Variants in KATNIP observed in about 807,000 individuals in gnomAD.
KATNIP encodes the protein katanin-interacting protein.
In KATNIP, 126 loss-of-function variants were observed where a neutral mutation model predicts 174.0. The ratio of observed to expected loss-of-function variants is 0.72; its 90% CI spans 0.63 to 0.84. The LOEUF (loss-of-function observed/expected upper bound fraction) is 0.84. Ranked by LOEUF, KATNIP falls within the 40% of genes least tolerant of loss-of-function variation. The pLI is 0.00. For synonymous variants in KATNIP, 810 were observed against 835.7 expected (o/e 0.97, Z 0.53); for missense variants, 1,958 against 2,109.7 (o/e 0.93, Z 1.41).
At chr16:27,613,414 G>A (rs957250517) in intron 2 of KATNIP, among the ~76,000 whole-genome samples, 3 of 152,200 alleles carry the variant, frequency 2.0e-5, no homozygotes, top group Middle Eastern at 3.2e-3. Flanking sequence ...AAGGAGGATC[G>A]ATGCATTCCC....
Position 27,655,158 on chromosome 16 carries a change from G to A in KATNIP, c.540+6423G>A, listed in dbSNP as rs9940494. ...CAAATATACAAACAAAAACCGCTGGGCTGCTACCCCCTAGAATGGATATAT... is the reference window on the plus strand; with the variant it reads ...CAAATATACAAACAAAAACCGCTGGACTGCTACCCCCTAGAATGGATATAT... On this transcript the variant is annotated intron_variant, in intron 6 of 27. Transcript: ENST00000261588. 7.2e-3 allele frequency among the ~76,000 whole-genome samples: 890 copies of A among 124,160 alleles called. 7 individuals are homozygous for A. The highest frequency in any genetic ancestry group is 0.025 in the African/African-American group (845 of 33,244). The allele number at this position is 124,160 out of a possible 152,430, so 81.5% of individuals were successfully genotyped here. A position where few individuals can be genotyped will look rare whatever the true frequency, so the allele number is the denominator to read the frequency against.
chr16:27,704,789 C>A (rs940524788), intron 12 of KATNIP, among the ~76,000 whole-genome samples: 2 of 151,590 alleles, frequency 1.3e-5, no homozygotes, highest in African/African-American at 2.4e-5. Flanking sequence ...GACAACCACA[C>A]AAAGATGTGG....
intron 3 of KATNIP, among the ~76,000 whole-genome samples, chr16:27,618,712 C>T (rs189523157): frequency 3.3e-5 from 5 of 152,152 alleles, no homozygotes; most frequent in East Asian, 3.9e-4. Context: ...GCAAACTGCT[C>T]GATGTGTAAG....
chr16:27,674,888 C>A (rs1348126195), intron 6 of KATNIP, among the ~76,000 whole-genome samples: 1 of 152,188 alleles, frequency 6.6e-6, no homozygotes, highest in Non-Finnish European at 1.5e-5. Flanking sequence ...TCCAGAATAT[C>A]ATCTAAGTCT....
chr16:27,697,813 T>C (rs1246527478), intron 8 of KATNIP, among the ~76,000 whole-genome samples: 2 of 152,164 alleles, frequency 1.3e-5, no homozygotes, highest in East Asian at 3.9e-4. Context: ...TATGTGTGTG[T>C]GCATGTATGT....
intron 18 of KATNIP, among the ~76,000 whole-genome samples, chr16:27,759,542 G>C (rs1290950017): frequency 2.0e-5 from 3 of 152,204 alleles, no homozygotes; most frequent in African/African-American, 2.4e-5. Context: ...GAGCCAGCTT[G>C]GTTGGCCTCT....
chr16:27,583,959 G>A (rs1380529679), intron 2 of KATNIP, among the ~76,000 whole-genome samples: 1 of 152,000 alleles, frequency 6.6e-6, no homozygotes, highest in Non-Finnish European at 1.5e-5. Context: ...ATGGCATGGT[G>A]GGGGAAGCTT....
intron 1 of KATNIP, among the ~76,000 whole-genome samples, chr16:27,556,785 AT>A (rs753309771): frequency 6.6e-5 from 10 of 152,204 alleles, no homozygotes; most frequent in Non-Finnish European, 1.2e-4. Context: ...AGCAAAAAAA[AT>A]AATAAAATAA....
rs1012510194 is a variant in KATNIP, at chr16:27,777,278, G to A, written c.4551+249G>A. ...TCGTCTTTTCCTCTAGAATCCCACT[G>A]GTTTGGGGCGGTGACCCTGGGATGG... On this transcript the variant is annotated intron_variant, in intron 25 of 27. Coordinates refer to ENST00000261588, the MANE Select transcript of KATNIP (RefSeq NM_015202.5). The surrounding 1 kb of genome is among the most constrained non-coding windows in gnomAD (Gnocchi z 4.4). 7.9e-5 allele frequency among the ~76,000 whole-genome samples: 12 copies of A among 152,290 alleles called. No homozygotes were observed. The highest frequency in any genetic ancestry group is 2.6e-4 in the African/African-American group (11 of 41,548).
chr16:27,592,017 G>A lies in KATNIP; in HGVS notation c.63+18061G>A, dbSNP rs1390943225. ...TGTGCCTCCCATCTGAATGTCATCC[G>A]CCAACATAATAAACAGCTTCAACAG... On this transcript the variant is annotated intron_variant, in intron 2 of 27. Transcript: ENST00000261588. 3.3e-5 allele frequency among the ~76,000 whole-genome samples: 5 copies of A among 151,986 alleles called. No homozygotes were observed. The East Asian group carries it at 5.8e-4, about 18-fold the overall frequency.
intron 6 of KATNIP, among the ~76,000 whole-genome samples, chr16:27,662,992 T>G (rs1282020734): frequency 2.0e-5 from 3 of 152,170 alleles, no homozygotes; most frequent in African/African-American, 7.2e-5. Flanking sequence ...ATCCATTCAT[T>G]CATTTACTCA....
chr16:27,741,994 G>T (rs558944648), intron 15 of KATNIP, among the ~76,000 whole-genome samples: 1 of 150,416 alleles, frequency 6.6e-6, no homozygotes, highest in Non-Finnish European at 1.5e-5. Context: ...TTTGACTTTG[G>T]CAACTGATTG....
In KATNIP at chr16:27,777,664, C is replaced by G; in HGVS notation, c.4606C>G (p.Leu1536Val). 6.2e-7 allele frequency: 1 copy of G among 1,614,012 alleles called. No individual in the cohort carries two copies. Among genetic ancestry groups the G allele is most frequent in the Middle Eastern group, 1.6e-4 (1 of 6,062 alleles). ...TGGGATCCTGGCCATGGTGAGCCAC[C>G]TGGTGGGGGGCATCCTGCCCACATG... ...YNGILAMVSH[L>V]VGGILPTCEP... The change falls in exon 26 of 28, where the codon CTG becomes GTG. Residue 1536 changes from leucine to valine, a missense_variant. Around this residue, in one of 3 missense-constraint regions of KATNIP, gnomAD observed 383 missense variants for 456.0 expected, o/e 0.84. Coordinates refer to ENST00000261588, the MANE Select transcript of KATNIP (RefSeq NM_015202.5). The surrounding 1 kb of genome is among the most constrained non-coding windows in gnomAD (Gnocchi z 4.4).
chr16:27,644,804 C>T (rs1413197777), intron 5 of KATNIP: 2 of 152,374 alleles, frequency 1.3e-5, no homozygotes, highest in Non-Finnish European at 2.9e-5. Context: ...TCACCTTGCC[C>T]AGCCCCTAAA....
chr16:27,649,414 C>T (rs1012657094), intron 6 of KATNIP, among the ~76,000 whole-genome samples: 1 of 152,230 alleles, frequency 6.6e-6, no homozygotes, highest in African/African-American at 2.4e-5. Context: ...AAGCACCTCT[C>T]ACTGACCATC....
chr16:27,679,784 A>G (rs1182476147), intron 7 of KATNIP, among the ~76,000 whole-genome samples: 2 of 150,586 alleles, frequency 1.3e-5, no homozygotes, highest in Non-Finnish European at 3.0e-5. Flanking sequence ...TGAAGAGGAC[A>G]CAGTTCAGCT....
At chr16:27,772,335 C>T (rs1369379126) in intron 22 of KATNIP, among the ~76,000 whole-genome samples, 3 of 152,180 alleles carry the variant, frequency 2.0e-5, no homozygotes, top group Non-Finnish European at 4.4e-5. Context: ...GTAATTTGCC[C>T]AAGGCTGCAC....
intron 2 of KATNIP, among the ~76,000 whole-genome samples, chr16:27,612,188 T>TA (rs1160430347): frequency 2.6e-5 from 4 of 152,206 alleles, no homozygotes; most frequent in African/African-American, 4.8e-5. Flanking sequence ...TTTCCACTGT[T>TA]ACTGCATCCA....
intron 6 of KATNIP, among the ~76,000 whole-genome samples, chr16:27,649,792 G>A (rs1283845145): frequency 1.3e-5 from 2 of 152,234 alleles, no homozygotes; most frequent in Non-Finnish European, 1.5e-5. Context: ...ATAGCAAGAT[G>A]GTGTGGGAGA....
Sources: allele counts gnomAD v4.1 joint callset (sites outside exome capture counted in the v4.1 genomes callset), GRCh38; gene constraint gnomAD v4.1.1; regional missense constraint gnomAD v4.1.1; non-coding constraint Gnocchi (gnomAD v3.1); transcripts MANE v1.5; gene names NCBI Gene and HGNC (gene_info 2026-07-23, HGNC 2026-07-21).